DAPK2: variants seen among roughly 807,000 people sequenced by gnomAD.
DAPK2 encodes death-associated protein kinase 2.
Under a neutral mutation model 44.1 loss-of-function variants are expected in DAPK2, and 35 were observed. The ratio of observed to expected loss-of-function variants is 0.79; its 90% CI spans 0.61 to 1.05. DAPK2 has a LOEUF of 1.05. Among genes scored for constraint, DAPK2 ranks in the 50% least tolerant of loss-of-function variants. The probability of loss-of-function intolerance (pLI) is 0.00; values close to 1 mark genes in which losing one functional copy is unlikely to be tolerated. For synonymous variants in DAPK2, 174 were observed against 182.6 expected (o/e 0.95, Z 0.38); for missense variants, 453 against 483.2 (o/e 0.94, Z 0.59).
In DAPK2 at chr15:64,028,024, T is replaced by C. The variant is rs538422284; in HGVS notation, c.92+12146A>G. Among the ~76,000 whole-genome samples the C allele has an allele frequency of 2.8e-5, 3 of 107,520 alleles. No individual in the cohort carries two copies. The East Asian group carries it at 7.8e-4, about 28-fold the overall frequency. 70.5% of individuals were successfully genotyped at this position (107,520 alleles called of 152,430 possible). A position where few individuals can be genotyped will look rare whatever the true frequency, so the allele number is the denominator to read the frequency against. Reference sequence around the variant, plus strand: ...ATATTATGAAGTTAGCAGAAGTACATAAACTGTATCTATCTATCTATCTAT... The same window carrying C: ...ATATTATGAAGTTAGCAGAAGTACACAAACTGTATCTATCTATCTATCTAT... On this transcript the variant is annotated intron_variant, in intron 1 of 10. Coordinates refer to ENST00000261891, the Ensembl canonical transcript of DAPK2.
At chr15:64,026,990 T>TCCCA (rs1480441619) in intron 1 of DAPK2, among the ~76,000 whole-genome samples, 1 of 152,176 alleles carries the variant, frequency 6.6e-6, no homozygotes, top group Admixed American at 6.5e-5. Flanking sequence ...CCGCCTGTAA[T>TCCCA]CCCAGCACTT....
At chr15:63,982,900 A>G (rs1295955692) in intron 2 of DAPK2, among the ~76,000 whole-genome samples, 1 of 152,240 alleles carries the variant, frequency 6.6e-6, no homozygotes, top group Non-Finnish European at 1.5e-5. Flanking sequence ...AATGAATACA[A>G]AATAACCTGT....
intron 1 of DAPK2, among the ~76,000 whole-genome samples, chr15:64,022,546 G>C (rs956352706): frequency 2.0e-5 from 3 of 152,196 alleles, no homozygotes; most frequent in Non-Finnish European, 4.4e-5. Context: ...CATGGGCATG[G>C]TGGCTCAAAC....
At chr15:63,986,149 G>C (rs973053392) in intron 1 of DAPK2, among the ~76,000 whole-genome samples, 3 of 152,230 alleles carry the variant, frequency 2.0e-5, no homozygotes, top group Non-Finnish European at 2.9e-5. Flanking sequence ...GTTTCCAGAA[G>C]AGCAGAGAAC....
intron 3 of DAPK2, among the ~76,000 whole-genome samples, chr15:63,963,504 A>G (rs530191863): frequency 6.6e-6 from 1 of 152,134 alleles, no homozygotes; most frequent in Non-Finnish European, 1.5e-5. Context: ...CATTCAGCCA[A>G]TCTATGTCTT....
At chr15:63,991,301 A>T (rs2140909464) in intron 1 of DAPK2, 1 of 456,334 alleles carries the variant, frequency 2.2e-6, no homozygotes, top group East Asian at 6.9e-5. Context: ...GAGCAGCAGC[A>T]AAGTCAGCAG....
At chr15:64,030,142 T>G (rs1193790179) in intron 1 of DAPK2, 1 of 152,154 alleles carries the variant, frequency 6.6e-6, no homozygotes, top group Non-Finnish European at 1.5e-5. Context: ...AATACAAATA[T>G]TAGCTGTGAG....
chr15:63,924,966 C>T, intron 7 of DAPK2, 105 bp from the exon 9 acceptor site: 1 of 1,241,268 alleles, frequency 8.1e-7, no homozygotes, highest in Non-Finnish European at 1.1e-6. Flanking sequence ...ATTATTTGGC[C>T]ACTGCCGTCA....
chr15:63,937,088 G>T (rs557883590), intron 4 of DAPK2, among the ~76,000 whole-genome samples: 62 of 152,168 alleles, frequency 4.1e-4, no homozygotes, highest in Middle Eastern at 3.4e-3. Flanking sequence ...CTGGGTCTGA[G>T]GTTAGAATAT....
chr15:63,997,028 A>C (rs1360179551), intron 1 of DAPK2, among the ~76,000 whole-genome samples: 1 of 152,094 alleles, frequency 6.6e-6, no homozygotes, highest in Non-Finnish European at 1.5e-5. Flanking sequence ...TCTTAGAAGC[A>C]CATCTTCCTC....
chr15:64,003,435 T>C (rs532019177), intron 1 of DAPK2, among the ~76,000 whole-genome samples: 1 of 152,358 alleles, frequency 6.6e-6, no homozygotes, highest in Admixed American at 6.5e-5. Flanking sequence ...TGCAAAATCA[T>C]GTCCTTACAG....
chr15:64,028,920 C>CT (rs201573915), intron 1 of DAPK2, among the ~76,000 whole-genome samples: 6 of 151,940 alleles, frequency 3.9e-5, no homozygotes, highest in South Asian at 4.1e-4. Flanking sequence ...ATTCTTACAA[C>CT]TTTTTTTTAT....
chr15:64,032,167 G>A (rs1954313914), intron 1 of DAPK2, among the ~76,000 whole-genome samples: 1 of 152,274 alleles, frequency 6.6e-6, no homozygotes, highest in Non-Finnish European at 1.5e-5. Flanking sequence ...GTCCAGCAGG[G>A]AGGACGACCG....
chr15:64,025,307 A>G (rs1208536956), intron 1 of DAPK2, among the ~76,000 whole-genome samples: 2 of 152,246 alleles, frequency 1.3e-5, no homozygotes, highest in Non-Finnish European at 2.9e-5. Context: ...GCCAGGTAAC[A>G]GACCTCAGAG....
chr15:64,002,027 A>G (rs2079097909), intron 1 of DAPK2, among the ~76,000 whole-genome samples: 1 of 152,254 alleles, frequency 6.6e-6, no homozygotes, highest in African/African-American at 2.4e-5. Context: ...GCCCTTGAAG[A>G]GCAACTTCAT....
intron 1 of DAPK2, among the ~76,000 whole-genome samples, chr15:64,031,578 C>A (rs987003576): frequency 2.0e-5 from 3 of 152,196 alleles, no homozygotes; most frequent in Non-Finnish European, 4.4e-5. Flanking sequence ...ACTTTCCCAG[C>A]AGCAAGAAAT....
At chr15:64,030,765 C>A (rs2079987776) in intron 1 of DAPK2, among the ~76,000 whole-genome samples, 1 of 151,934 alleles carries the variant, frequency 6.6e-6, no homozygotes, top group African/African-American at 2.4e-5. Flanking sequence ...GCCAGGAGGT[C>A]AAGATCAGCC....
intron 1 of DAPK2, among the ~76,000 whole-genome samples, chr15:63,985,684 C>A (rs777280332): frequency 2.0e-5 from 3 of 152,182 alleles, no homozygotes; most frequent in Non-Finnish European, 4.4e-5. Context: ...GCATCCAAAT[C>A]CCCCAGCTCC....
At chr15:64,044,099 G>A (rs1313867307), upstream of DAPK2, among the ~76,000 whole-genome samples, 4 of 152,184 alleles carry the variant, frequency 2.6e-5, no homozygotes, top group African/African-American at 7.2e-5. Context: ...ACCCAGATAA[G>A]GAGCCAGAGG....
Sources: allele counts gnomAD v4.1 joint callset (sites outside exome capture counted in the v4.1 genomes callset), GRCh38; gene constraint gnomAD v4.1.1; transcripts MANE v1.5; gene names NCBI Gene and HGNC (gene_info 2026-07-23, HGNC 2026-07-21).